FCHSD2: variants seen among roughly 807,000 people sequenced by gnomAD.
The protein encoded by FCHSD2 is FCH and double SH3 domains 2.
FCHSD2 carries 38 observed loss-of-function variants against 108.1 expected under a neutral mutation model. The observed-to-expected ratio is 0.35, with a 90% CI of 0.27 to 0.46. The LOEUF (loss-of-function observed/expected upper bound fraction) is 0.46, where lower values mean the gene tolerates loss of function less well. Ranked by LOEUF, FCHSD2 falls within the 20% of genes least tolerant of loss-of-function variation. The pLI is 1.00. For missense variants in FCHSD2, 751 were observed against 897.8 expected, an observed-to-expected ratio of 0.84 and a Z score of 2.09; for synonymous variants, 279 against 314.7, an observed-to-expected ratio of 0.89 and a Z score of 1.20.
At chr11:73,044,711 A>G (rs1315269582) in intron 3 of FCHSD2, among the ~76,000 whole-genome samples, 1 of 152,246 alleles carries the variant, frequency 6.6e-6, no homozygotes, top group African/African-American at 2.4e-5. Flanking sequence ...AATACTATAT[A>G]GAAAACAGTG....
intron 8 of FCHSD2, among the ~76,000 whole-genome samples, chr11:72,955,518 C>T (rs1311320327): frequency 6.6e-6 from 1 of 152,158 alleles, no homozygotes; most frequent in East Asian, 1.9e-4. Context: ...AAGCTCCTCT[C>T]TGAAGTAGGT....
At chr11:72,843,049 A>G in intron 16 of FCHSD2, 102 bp downstream of exon 16, 1 of 1,145,426 alleles carries the variant, frequency 8.7e-7, no homozygotes, top group Non-Finnish European at 1.3e-6. Flanking sequence ...ATTATAGGAC[A>G]GGAGGAAAGT....
chr11:72,920,095 A>T (rs1431266693), intron 9 of FCHSD2, among the ~76,000 whole-genome samples: 1 of 152,172 alleles, frequency 6.6e-6, no homozygotes, highest in East Asian at 1.9e-4. Flanking sequence ...AAGAACAATA[A>T]CATAAACTGT....
intron 2 of FCHSD2, among the ~76,000 whole-genome samples, chr11:73,106,926 T>C (rs2135539571): frequency 6.6e-6 from 1 of 152,210 alleles, no homozygotes; most frequent in South Asian, 2.1e-4. Context: ...ATCCCTGACA[T>C]TAAGCAACAC....
intron 2 of FCHSD2, among the ~76,000 whole-genome samples, chr11:73,104,930 C>A (rs1860307306): frequency 6.6e-6 from 1 of 152,148 alleles, no homozygotes; most frequent in Non-Finnish European, 1.5e-5. Flanking sequence ...TATAGTTTTA[C>A]ACGTTTAAAT....
intron 2 of FCHSD2, among the ~76,000 whole-genome samples, chr11:73,085,570 A>T: frequency 6.6e-6 from 1 of 152,144 alleles, no homozygotes; most frequent in East Asian, 1.9e-4. Context: ...ATTCTAACGC[A>T]ACCACATTTA....
intron 10 of FCHSD2, among the ~76,000 whole-genome samples, chr11:72,897,661 G>A (rs1391817404): frequency 6.6e-6 from 1 of 152,126 alleles, no homozygotes; most frequent in Non-Finnish European, 1.5e-5. Flanking sequence ...TAAACTGCTA[G>A]TTTAGACACC....
At chr11:72,941,775 C>T (rs1303852355) in intron 8 of FCHSD2, among the ~76,000 whole-genome samples, 1 of 151,974 alleles carries the variant, frequency 6.6e-6, no homozygotes, top group East Asian at 1.9e-4. Context: ...TTTCAGAGGG[C>T]AATCAGCTAG....
chr11:73,035,150 T>TATGTATG (rs1565378205), intron 3 of FCHSD2, among the ~76,000 whole-genome samples: 122 of 143,934 alleles, frequency 8.5e-4, no homozygotes, highest in Middle Eastern at 3.5e-3. Context: ...GTTTTTATTT[T>TATGTATG]TATGTATGTA....
chr11:73,051,547 C>A (rs547654980), intron 3 of FCHSD2, among the ~76,000 whole-genome samples: 4 of 151,780 alleles, frequency 2.6e-5, no homozygotes, highest in Non-Finnish European at 5.9e-5. Context: ...AGGTAGTAAA[C>A]CAAACAACAA....
At chr11:72,964,379 T>C (rs1210145190) in intron 8 of FCHSD2, among the ~76,000 whole-genome samples, 1 of 152,224 alleles carries the variant, frequency 6.6e-6, no homozygotes, top group Non-Finnish European at 1.5e-5. Context: ...CCATCTATCT[T>C]TTAAGACCCA....
At chr11:73,116,996 T>C (rs369794395) in intron 2 of FCHSD2, among the ~76,000 whole-genome samples, 56 of 152,340 alleles carry the variant, frequency 3.7e-4, no homozygotes, top group African/African-American at 1.3e-3. Context: ...TTTTAGCATA[T>C]TGATTTTTAT....
chr11:73,089,677 G>A (rs913341685), intron 2 of FCHSD2, among the ~76,000 whole-genome samples: 5 of 152,088 alleles, frequency 3.3e-5, no homozygotes, highest in Admixed American at 6.6e-5. Context: ...GAAAGAAAAC[G>A]GATGCAAAAG....
At chr11:73,061,404 C>A (rs1436939594) in intron 3 of FCHSD2, among the ~76,000 whole-genome samples, 1 of 152,174 alleles carries the variant, frequency 6.6e-6, no homozygotes, top group Non-Finnish European at 1.5e-5. Context: ...AAACTAGCTG[C>A]AGGAATTCTT....
At chr11:72,857,887 T>C (rs1861467096) in intron 13 of FCHSD2, among the ~76,000 whole-genome samples, 4 of 152,208 alleles carry the variant, frequency 2.6e-5, no homozygotes. Flanking sequence ...AAGCAGGGTC[T>C]TGGGGTCTGG....
At chr11:73,117,021 G>A (rs1860620550) in intron 2 of FCHSD2, among the ~76,000 whole-genome samples, 1 of 151,604 alleles carries the variant, frequency 6.6e-6, no homozygotes, top group Non-Finnish European at 1.5e-5. Context: ...CCTTTTTCCT[G>A]AGTTTTCTGT....
At chr11:73,121,718 G>A (rs1199189145) in intron 2 of FCHSD2, among the ~76,000 whole-genome samples, 1 of 149,920 alleles carries the variant, frequency 6.7e-6, no homozygotes, top group Non-Finnish European at 1.5e-5. Flanking sequence ...CAATAAAAAT[G>A]CCACTGTAAA....
intron 9 of FCHSD2, among the ~76,000 whole-genome samples, chr11:72,920,976 G>A (rs763631420): frequency 1.3e-5 from 2 of 151,992 alleles, no homozygotes; most frequent in Non-Finnish European, 2.9e-5. Flanking sequence ...AGGATGAAGA[G>A]TCTGTGCTTT....
rs1297648938 is a variant in FCHSD2, at chr11:73,104,341, A to G, written c.120-20601T>C. 2.0e-5 allele frequency among the ~76,000 whole-genome samples: 3 copies of G among 152,346 alleles called. No homozygotes were observed. In the East Asian group the frequency reaches 5.8e-4, roughly 29 times the overall value. ...GAGCGCAGTGGTGCGATCTCAGCTC[A>G]CTGCAACCTCTGCCTCCCAGGTTCA... On this transcript the variant is annotated intron_variant, in intron 2 of 19. Coordinates refer to ENST00000409418, the MANE Select transcript of FCHSD2 (RefSeq NM_014824.3).
Sources: allele counts gnomAD v4.1 joint callset (sites outside exome capture counted in the v4.1 genomes callset), GRCh38; gene constraint gnomAD v4.1.1; transcripts MANE v1.5; gene names NCBI Gene and HGNC (gene_info 2026-07-23, HGNC 2026-07-21).